USP6NL: variants seen among roughly 807,000 people sequenced by gnomAD.
The protein encoded by USP6NL is USP6 N-terminal-like protein.
Under a neutral mutation model 61.9 loss-of-function variants are expected in USP6NL, and 26 were observed. The observed-to-expected ratio is 0.42, with a 90% CI of 0.31 to 0.58. USP6NL has a LOEUF of 0.58. USP6NL is among the 20% of genes least tolerant of loss of function. USP6NL has a pLI of 0.16. For missense variants in USP6NL, 1,114 were observed against 1,034.3 expected (o/e 1.08, Z -1.06); for synonymous variants, 432 against 390.1 (o/e 1.11, Z -1.27).
chr10:11,572,666 A>T (rs1837406050), intron 2 of USP6NL, among the ~76,000 whole-genome samples: 1 of 152,114 alleles, frequency 6.6e-6, no homozygotes, highest in African/African-American at 2.4e-5. Flanking sequence ...GAAAAAATAT[A>T]AAGTAATCTA....
rs1292496679 is a variant in USP6NL, at chr10:11,499,818, T to C, written c.384+1283A>G. ...CTGTGTGAGAGAGAGTTCTGTTGTT[T>C]TGAGCCGCTTAGTTTGTGGTACTTG... On this transcript the variant is annotated intron_variant, in intron 7 of 14. Transcript: ENST00000609104. The surrounding 1 kb of genome is among the most constrained non-coding windows in gnomAD (Gnocchi z 4.5). Among the ~76,000 whole-genome samples, 1 of 152,236 alleles carries C rather than the reference T, an allele frequency of 6.6e-6. No individual in the cohort carries two copies. The highest frequency in any genetic ancestry group is 6.5e-5 in the Admixed American group (1 of 15,284).
At chr10:11,483,636 A>G (rs1291975592) in intron 13 of USP6NL, among the ~76,000 whole-genome samples, 1 of 220 alleles carries the variant, frequency 4.5e-3, no homozygotes, top group Admixed American at 0.036. Context: ...GGGGAGGGAG[A>G]GGGGGAGGGG....
At chr10:11,535,526 G>A (rs1021612310) in intron 2 of USP6NL, among the ~76,000 whole-genome samples, 1 of 152,188 alleles carries the variant, frequency 6.6e-6, no homozygotes, top group African/African-American at 2.4e-5. Flanking sequence ...CTGGTACAGA[G>A]AAGGAAACAG....
intron 4 of USP6NL, among the ~76,000 whole-genome samples, chr10:11,522,688 C>T (rs1365104270): frequency 6.6e-6 from 1 of 152,158 alleles, no homozygotes; most frequent in Non-Finnish European, 1.5e-5. Flanking sequence ...TTTTAAAAAG[C>T]GGTGAGCTTA....
chr10:11,469,123 A>G (rs1832613674), intron 14 of USP6NL, among the ~76,000 whole-genome samples: 1 of 152,248 alleles, frequency 6.6e-6, no homozygotes. Context: ...TGAATGGACA[A>G]GAGGCCAAAA....
chr10:11,483,405 G>C (rs1259223483), intron 13 of USP6NL, among the ~76,000 whole-genome samples: 1 of 140,952 alleles, frequency 7.1e-6, no homozygotes, highest in Admixed American at 7.3e-5. Flanking sequence ...ATTCTTGAGG[G>C]AACATTAAGC....
intron 7 of USP6NL, among the ~76,000 whole-genome samples, chr10:11,500,003 T>C (rs899475691): frequency 6.6e-6 from 1 of 152,238 alleles, no homozygotes; most frequent in Non-Finnish European, 1.5e-5. Flanking sequence ...CTCTCAGACA[T>C]CATGTCCTTT....
chr10:11,529,696 A>C (rs79828961), intron 2 of USP6NL, among the ~76,000 whole-genome samples: 2,396 of 152,356 alleles, frequency 0.016, 58 homozygotes, highest in African/African-American at 0.053. Flanking sequence ...AATCAACTCA[A>C]TGATATACAT....
chr10:11,580,721 T>TTCAGAACCACCC (rs1837726919), intron 2 of USP6NL, among the ~76,000 whole-genome samples: 1 of 152,180 alleles, frequency 6.6e-6, no homozygotes, highest in South Asian at 2.1e-4. Context: ...TCAGCCATGG[T>TTCAGAACCACCC]TCAGAACCAC....
rs1326681322 is a variant in USP6NL at position 11,562,686 on chromosome 10, C to A, written c.4+34945G>T. On this transcript the variant is annotated intron_variant, in intron 2 of 14. Coordinates refer to ENST00000609104, the MANE Select transcript of USP6NL (RefSeq NM_014688.5). This position sits in a 1 kb window ranked among gnomAD's most constrained non-coding sequence, Gnocchi z 4.8. Reference sequence around the variant, plus strand: ...CATATGTTGTTAGCCACTTGTATTTCTGTAACTTGTCTATTTTATCTGCCA... The same window carrying A: ...CATATGTTGTTAGCCACTTGTATTTATGTAACTTGTCTATTTTATCTGCCA... 2.0e-6 allele frequency: 2 copies of A among 985,312 alleles called. No homozygotes were observed. Among genetic ancestry groups the A allele is most frequent in the Non-Finnish European group, 2.4e-6 (2 of 829,938 alleles). 61.0% of individuals were successfully genotyped at this position (985,312 alleles called of 1,614,324 possible). A position where few individuals can be genotyped will look rare whatever the true frequency, so the allele number is the denominator to read the frequency against.
Position 11,499,200 on chromosome 10 carries a change from A to G in USP6NL, c.384+1901T>C, listed in dbSNP as rs1325663529. Among the ~76,000 whole-genome samples, 1 of 152,122 alleles carries G rather than the reference A, an allele frequency of 6.6e-6. No homozygotes were observed. Among genetic ancestry groups the G allele is most frequent in the Non-Finnish European group, 1.5e-5 (1 of 68,018 alleles). ...GAGAGAGAGAGAAAGAGTGGATGAG[A>G]AAGGAAAAAAAAGTTGGCTAAATAA... On this transcript the variant is annotated intron_variant, in intron 7 of 14. Coordinates refer to ENST00000609104, the MANE Select transcript of USP6NL (RefSeq NM_014688.5). This position sits in a 1 kb window ranked among gnomAD's most constrained non-coding sequence, Gnocchi z 4.5.
intron 7 of USP6NL, among the ~76,000 whole-genome samples, chr10:11,500,837 A>T (rs368865413): frequency 1.3e-5 from 2 of 152,328 alleles, no homozygotes; most frequent in African/African-American, 4.8e-5. Flanking sequence ...TGATCATCTA[A>T]TTACTTTAAT....
intron 7 of USP6NL, among the ~76,000 whole-genome samples, chr10:11,497,789 G>C (rs1036022027): frequency 6.6e-6 from 1 of 152,148 alleles, no homozygotes; most frequent in Non-Finnish European, 1.5e-5. Flanking sequence ...AATGAAAAGA[G>C]GTAAACAATT....
intron 4 of USP6NL, among the ~76,000 whole-genome samples, chr10:11,523,304 C>G (rs776599314): frequency 6.6e-6 from 1 of 152,206 alleles, no homozygotes; most frequent in South Asian, 2.1e-4. Context: ...AGACTGGATG[C>G]TTTCACTGGG....
At chr10:11,467,444 C>T (rs1008385156) in intron 14 of USP6NL, among the ~76,000 whole-genome samples, 1 of 152,066 alleles carries the variant, frequency 6.6e-6, no homozygotes, top group African/African-American at 2.4e-5. Flanking sequence ...GAGAATTTAT[C>T]CTAAGACAAT....
At position 11,470,639 on chromosome 10, in the gene USP6NL, C is replaced by T. The variant is rs948377401; in HGVS notation, c.1079-6790G>A. Among the ~76,000 whole-genome samples, 2 of 152,188 alleles carry T rather than the reference C, an allele frequency of 1.3e-5. No homozygotes were observed. Among genetic ancestry groups the T allele is most frequent in the African/African-American group, 4.8e-5 (2 of 41,428 alleles). On this transcript the variant is annotated intron_variant, in intron 14 of 14. Transcript: ENST00000609104. The surrounding 1 kb of genome is among the most constrained non-coding windows in gnomAD (Gnocchi z 5.4). ...GCCTGCTTGAACTACCACCCCTAAC[C>T]CCACCACACAAACACTGCTCTACTT...
At chr10:11,506,239 T>A (rs1211182126) in intron 6 of USP6NL, among the ~76,000 whole-genome samples, 1 of 152,216 alleles carries the variant, frequency 6.6e-6, no homozygotes, top group East Asian at 1.9e-4. Flanking sequence ...AATATGTGTA[T>A]TTGTAGAAGG....
intron 2 of USP6NL, among the ~76,000 whole-genome samples, chr10:11,543,048 A>T (rs1045600190): frequency 4.6e-5 from 7 of 152,162 alleles, no homozygotes; most frequent in South Asian, 4.1e-4. Flanking sequence ...ACTTAGTAAA[A>T]ATTTAATTAA....
Position 11,562,744 on chromosome 10 carries a change from G to C in USP6NL, c.4+34887C>G. On this transcript the variant is annotated intron_variant, in intron 2 of 14. Transcript: ENST00000609104. The surrounding 1 kb of genome is among the most constrained non-coding windows in gnomAD (Gnocchi z 4.8). ...ACTTGTTTCTTGATCTAAAAACGTG[G>C]AATTCCACACAGTACAATCATAAGT... 1 of 985,260 alleles carries C rather than the reference G, an allele frequency of 1.0e-6. No individual in the cohort carries two copies. The highest frequency in any genetic ancestry group is 1.2e-6 in the Non-Finnish European group (1 of 829,866). The allele number at this position is 985,260 out of a possible 1,614,324, so 61.0% of individuals were successfully genotyped here. A position where few individuals can be genotyped will look rare whatever the true frequency, so the allele number is the denominator to read the frequency against.
Sources: allele counts gnomAD v4.1 joint callset (sites outside exome capture counted in the v4.1 genomes callset), GRCh38; gene constraint gnomAD v4.1.1; non-coding constraint Gnocchi (gnomAD v3.1); transcripts MANE v1.5; gene names NCBI Gene and HGNC (gene_info 2026-07-23, HGNC 2026-07-21).